The following BTBD9 variants were observed in gnomAD, a reference collection of about 807,000 sequenced individuals.
BTBD9 encodes BTB/POZ domain-containing protein 9.
Under a neutral mutation model 64.3 loss-of-function variants are expected in BTBD9, and 49 were observed. That is an observed-to-expected ratio of 0.76 (90% CI 0.61 to 0.97). BTBD9 has a LOEUF of 0.97. Ranked by LOEUF, BTBD9 falls within the 50% of genes least tolerant of loss-of-function variation. BTBD9 has a pLI of 0.00. For missense variants in BTBD9, 598 were observed against 762.1 expected, an observed-to-expected ratio of 0.78 and a Z score of 2.53; for synonymous variants, 260 against 274.7, an observed-to-expected ratio of 0.95 and a Z score of 0.53.
chr6:38,514,297 T>C (rs1333090736), intron 6 of BTBD9, among the ~76,000 whole-genome samples: 1 of 152,280 alleles, frequency 6.6e-6, no homozygotes, highest in Non-Finnish European at 1.5e-5. Flanking sequence ...GTACTGCTAT[T>C]ATTCCTAATA....
At position 38,341,312 on chromosome 6, in the gene BTBD9, T is replaced by C. The variant is rs1324914062; in HGVS notation, c.1264+3672A>G. Reference sequence around the variant, plus strand: ...GGGTAGTATGACGGTATTGTGTTTATGGCTACAATAAGGAGGCCTTACTTT... The same window carrying C: ...GGGTAGTATGACGGTATTGTGTTTACGGCTACAATAAGGAGGCCTTACTTT... On this transcript the variant is annotated intron_variant, in intron 7 of 10. Transcript: ENST00000481247. Among the ~76,000 whole-genome samples, 5 of 152,346 alleles carry C rather than the reference T, an allele frequency of 3.3e-5. No homozygotes were observed. The South Asian group carries it at 6.2e-4, about 19-fold the overall frequency.
intron 6 of BTBD9, among the ~76,000 whole-genome samples, chr6:38,454,870 A>G (rs12211826): frequency 0.01 from 1,572 of 152,158 alleles, 15 homozygotes; most frequent in Non-Finnish European, 0.019. Flanking sequence ...TCACTCATTT[A>G]ACAAAAGCTA....
At chr6:38,529,631 G>A (rs577443610) in intron 6 of BTBD9, among the ~76,000 whole-genome samples, 12 of 152,292 alleles carry the variant, frequency 7.9e-5, no homozygotes, top group African/African-American at 2.9e-4. Flanking sequence ...CTGGAGCCTC[G>A]GCGGAGGAAC....
chr6:38,396,414 T>C (rs1766674613), intron 6 of BTBD9, among the ~76,000 whole-genome samples: 1 of 152,206 alleles, frequency 6.6e-6, no homozygotes, highest in African/African-American at 2.4e-5. Flanking sequence ...TTGGATAAAA[T>C]GTCATACTGC....
chr6:38,239,438 CAAAAAAAAAAA>C (rs750690746), intron 9 of BTBD9, among the ~76,000 whole-genome samples: 2 of 59,060 alleles, frequency 3.4e-5, no homozygotes, highest in African/African-American at 6.7e-5. Context: ...GACTCTGTCT[CAAAAAAAAAAA>C]AAAAAAAAAA....
At chr6:38,394,716 C>T (rs1310855894) in intron 6 of BTBD9, among the ~76,000 whole-genome samples, 1 of 151,862 alleles carries the variant, frequency 6.6e-6, no homozygotes, top group Non-Finnish European at 1.5e-5. Context: ...AGATCACTTT[C>T]TCTGGAGGAT....
chr6:38,630,181 C>T (rs1006614455), intron 1 of BTBD9, among the ~76,000 whole-genome samples: 1 of 101,166 alleles, frequency 9.9e-6, no homozygotes, highest in African/African-American at 4.0e-5. Context: ...TCCTGGGCAA[C>T]AAGAGTGAAA....
intron 6 of BTBD9, among the ~76,000 whole-genome samples, chr6:38,445,988 T>C (rs1367392780): frequency 6.6e-6 from 1 of 152,184 alleles, no homozygotes; most frequent in Non-Finnish European, 1.5e-5. Flanking sequence ...TGAAAGAGTA[T>C]ATTAAATGTT....
chr6:38,306,700 G>A (rs1172193902), intron 7 of BTBD9, among the ~76,000 whole-genome samples: 1 of 152,186 alleles, frequency 6.6e-6, no homozygotes, highest in Non-Finnish European at 1.5e-5. Flanking sequence ...AGTAGGACAT[G>A]ACCTGAGGGC....
intron 8 of BTBD9, among the ~76,000 whole-genome samples, chr6:38,285,673 A>T (rs896819258): frequency 6.6e-6 from 1 of 152,176 alleles, no homozygotes; most frequent in Non-Finnish European, 1.5e-5. Flanking sequence ...AAACATAATA[A>T]AGAGAAAATT....
chr6:38,489,472 AAAAT>A (rs1359133716), intron 6 of BTBD9, among the ~76,000 whole-genome samples: 2 of 152,192 alleles, frequency 1.3e-5, no homozygotes, highest in East Asian at 1.9e-4. Flanking sequence ...CCCTGTCTCA[AAAAT>A]AAATAAATAA....
intron 6 of BTBD9, among the ~76,000 whole-genome samples, chr6:38,447,185 G>A (rs1020375031): frequency 1.3e-5 from 2 of 152,162 alleles, no homozygotes; most frequent in East Asian, 3.9e-4. Flanking sequence ...GAAAGAAAAT[G>A]TTGCAGCAGA....
intron 9 of BTBD9, among the ~76,000 whole-genome samples, chr6:38,253,089 G>C (rs1037132019): frequency 6.6e-6 from 1 of 152,042 alleles, no homozygotes; most frequent in Non-Finnish European, 1.5e-5. Flanking sequence ...ACTCCAGCCT[G>C]AGCGACAGAG....
intron 1 of BTBD9, chr6:38,613,172 T>C (rs1777668348): frequency 6.6e-6 from 1 of 152,174 alleles, no homozygotes; most frequent in Admixed American, 6.5e-5. Context: ...TTTCAACTGG[T>C]CCTTTCTACT....
chr6:38,433,337 C>T (rs1351911874), intron 6 of BTBD9, among the ~76,000 whole-genome samples: 1 of 151,920 alleles, frequency 6.6e-6, no homozygotes, highest in East Asian at 1.9e-4. Flanking sequence ...CTAACTAAGC[C>T]ATCATATCCC....
chr6:38,179,777 A>G (rs1289173432), intron 10 of BTBD9: 1 of 456,744 alleles, frequency 2.2e-6, no homozygotes. Context: ...GATCAGTAAT[A>G]TTTCATACAT....
At chr6:38,215,568 G>A (rs1010337750) in intron 9 of BTBD9, among the ~76,000 whole-genome samples, 2 of 152,124 alleles carry the variant, frequency 1.3e-5, no homozygotes, top group Non-Finnish European at 2.9e-5. Context: ...TAGAGCTGTT[G>A]GTAATCACAG....
intron 6 of BTBD9, among the ~76,000 whole-genome samples, chr6:38,437,674 C>T (rs568923889): frequency 1.3e-5 from 2 of 152,280 alleles, no homozygotes; most frequent in African/African-American, 4.8e-5. Flanking sequence ...GGATTCCAGG[C>T]TTTCTGCTTA....
chr6:38,287,536 T>C (rs979180701), intron 8 of BTBD9, among the ~76,000 whole-genome samples: 1 of 152,218 alleles, frequency 6.6e-6, no homozygotes, highest in Non-Finnish European at 1.5e-5. Flanking sequence ...TGTGTTATAA[T>C]TGCCTACAGT....
Sources: allele counts gnomAD v4.1 joint callset (sites outside exome capture counted in the v4.1 genomes callset), GRCh38; gene constraint gnomAD v4.1.1; transcripts MANE v1.5; gene names NCBI Gene and HGNC (gene_info 2026-07-23, HGNC 2026-07-21).